Variants in GRIA2 observed in about 807,000 individuals in gnomAD.
GRIA2 encodes the protein glutamate receptor 2.
In GRIA2, 14 loss-of-function variants were observed where a neutral mutation model predicts 97.3. The ratio of observed to expected loss-of-function variants is 0.14; its 90% CI spans 0.10 to 0.23. GRIA2 has a LOEUF of 0.23. Among genes scored for constraint, GRIA2 ranks in the 10% least tolerant of loss-of-function variants. GRIA2 has a pLI of 1.00. For synonymous variants in GRIA2, 412 were observed against 387.8 expected, an observed-to-expected ratio of 1.06 and a Z score of -0.73; for missense variants, 558 against 1,069.8, an observed-to-expected ratio of 0.52 and a Z score of 6.67.
chr4:157,361,694 A>C lies in GRIA2; in HGVS notation c.2406+570A>C. 7.3e-7 allele frequency: 1 copy of C among 1,375,482 alleles called. No individual in the cohort carries two copies. The highest frequency in any genetic ancestry group is 1.0e-6 in the Non-Finnish European group (1 of 965,070). The allele number at this position is 1,375,482 out of a possible 1,614,324, so 85.2% of individuals were successfully genotyped here. ...TTTATGTGAAAAAACAAAATCAAAC[A>C]CAAACAGCAAAATCAAACCACAAGT... On this transcript the variant is annotated intron_variant, in intron 14 of 15. Coordinates refer to ENST00000264426, the MANE Select transcript of GRIA2 (RefSeq NM_001083619.3). The surrounding 1 kb of genome is among the most constrained non-coding windows in gnomAD (Gnocchi z 5.2).
At chr4:157,242,699 A>T (rs1490511280) in intron 2 of GRIA2, among the ~76,000 whole-genome samples, 1 of 152,128 alleles carries the variant, frequency 6.6e-6, no homozygotes, top group Non-Finnish European at 1.5e-5. Flanking sequence ...GGGGAAATTG[A>T]ATTAGGTTCC....
At chr4:157,268,222 T>G (rs1374541245) in intron 2 of GRIA2, among the ~76,000 whole-genome samples, 2 of 152,088 alleles carry the variant, frequency 1.3e-5, no homozygotes, top group African/African-American at 2.4e-5. Context: ...TTTCATAAAA[T>G]TGTCTTACAT....
intron 12 of GRIA2, among the ~76,000 whole-genome samples, chr4:157,350,240 T>A (rs770514812): frequency 3.3e-5 from 5 of 152,162 alleles, no homozygotes; most frequent in Non-Finnish European, 7.4e-5. Context: ...TCATAACTTT[T>A]CTCATCACTA....
At chr4:157,310,683 T>G (rs2126881954) in intron 3 of GRIA2, among the ~76,000 whole-genome samples, 1 of 152,202 alleles carries the variant, frequency 6.6e-6, no homozygotes, top group South Asian at 2.1e-4. Context: ...TCATAAATAT[T>G]ATTCTTTTTT....
At chr4:157,318,020 T>G (rs1405432451) in intron 5 of GRIA2, among the ~76,000 whole-genome samples, 1 of 152,110 alleles carries the variant, frequency 6.6e-6, no homozygotes, top group Non-Finnish European at 1.5e-5. Context: ...TTTGATATAT[T>G]AGATATATTG....
At position 157,364,735 on chromosome 4, in the gene GRIA2, C is replaced by T. The variant is rs958432560; in HGVS notation, c.*1304C>T. 4.6e-5 allele frequency: 7 copies of T among 152,002 alleles called. No individual in the cohort carries two copies. Among genetic ancestry groups the T allele is most frequent in the Non-Finnish European group, 7.4e-5 (5 of 67,768 alleles). The allele number at this position is 152,002 out of a possible 1,614,324, so 9.4% of individuals were successfully genotyped here. A position where few individuals can be genotyped will look rare whatever the true frequency, so the allele number is the denominator to read the frequency against. ...TTAAAATTATAAAAGCTGTCATAAA[C>T]TTTATATATTATGAATTTTAAAATA... On this transcript the variant is annotated 3_prime_UTR_variant, in exon 16 of 16. Transcript: ENST00000264426.
intron 12 of GRIA2, among the ~76,000 whole-genome samples, chr4:157,353,909 T>G (rs1736132360): frequency 6.6e-6 from 1 of 152,096 alleles, no homozygotes; most frequent in East Asian, 1.9e-4. Context: ...CTTTAAACTA[T>G]TTTATTAACT....
chr4:157,331,966 C>T (rs986710351), intron 6 of GRIA2, among the ~76,000 whole-genome samples: 2 of 152,030 alleles, frequency 1.3e-5, no homozygotes, highest in Admixed American at 1.3e-4. Flanking sequence ...CTTCGCCGTA[C>T]TCTTAGTACC....
chr4:157,282,326 C>G (rs1321906007), intron 2 of GRIA2, among the ~76,000 whole-genome samples: 2 of 152,102 alleles, frequency 1.3e-5, no homozygotes, highest in African/African-American at 4.8e-5. Context: ...GTGGAACAAT[C>G]TACCATATGA....
chr4:157,250,292 C>A lies in GRIA2; in HGVS notation c.229+28485C>A, dbSNP rs183023883. 3.9e-5 allele frequency among the ~76,000 whole-genome samples: 6 copies of A among 152,116 alleles called. No individual in the cohort carries two copies. The East Asian group carries it at 1.2e-3, about 29-fold the overall frequency. On this transcript the variant is annotated intron_variant, in intron 2 of 15. Coordinates refer to ENST00000264426, the MANE Select transcript of GRIA2 (RefSeq NM_001083619.3). Reference sequence around the variant, plus strand: ...ATGAAAAATCTTATTTAATTGATAGCCATCTAAATTTAAGCAAATTATTAT... The same window carrying A: ...ATGAAAAATCTTATTTAATTGATAGACATCTAAATTTAAGCAAATTATTAT...
Position 157,361,859 on chromosome 4 carries a change from T to C in GRIA2, c.2406+735T>C, listed in dbSNP as rs1560784448. ...TTTTATTTTAAATATAGTATATGCA[T>C]TTAATATATTTATTTCAGTCTGTGT... On this transcript the variant is annotated intron_variant, in intron 14 of 15. Transcript: ENST00000264426. The surrounding 1 kb of genome is among the most constrained non-coding windows in gnomAD (Gnocchi z 5.2). 6.6e-6 allele frequency among the ~76,000 whole-genome samples: 1 copy of C among 152,170 alleles called. No individual in the cohort carries two copies. The highest frequency in any genetic ancestry group is 1.5e-5 in the Non-Finnish European group (1 of 68,032).
chr4:157,269,239 G>C (rs948549456), intron 2 of GRIA2, among the ~76,000 whole-genome samples: 3 of 151,936 alleles, frequency 2.0e-5, no homozygotes. Flanking sequence ...ACCAAGAAAG[G>C]TCAAAATTAG....
chr4:157,335,352 A>G, intron 9 of GRIA2: 1 of 314,556 alleles, frequency 3.2e-6, no homozygotes, highest in Non-Finnish European at 6.1e-6. Context: ...ATAGGTTTTG[A>G]GCAGTAATAT....
chr4:157,304,683 T>C (rs1733761566), intron 3 of GRIA2, among the ~76,000 whole-genome samples: 1 of 152,164 alleles, frequency 6.6e-6, no homozygotes, highest in South Asian at 2.1e-4. Flanking sequence ...TACCATACTG[T>C]GCTTCCCTCA....
intron 2 of GRIA2, among the ~76,000 whole-genome samples, chr4:157,262,649 A>G (rs998064725): frequency 1.2e-4 from 18 of 151,962 alleles, no homozygotes; most frequent in African/African-American, 4.3e-4. Flanking sequence ...TCTGACCACT[A>G]TTTAATTGAT....
chr4:157,332,913 A>G lies in GRIA2; in HGVS notation c.977A>G (p.Asn326Ser), dbSNP rs1735120581. Residue 326 changes from asparagine to serine, a missense_variant, in exon 7 of 16, where the codon AAT becomes AGT. By Grantham distance (46) the Asn-to-Ser change is conservative. Coordinates refer to ENST00000264426, the MANE Select transcript of GRIA2 (RefSeq NM_001083619.3). ...KQRIEISRRG[N>S]AGDCLANPAV... ...AGAATTGAAATCTCCCGAAGGGGGA[A>G]TGCAGGAGACTGTCTGGCAAACCCA... 1 of 1,612,520 alleles carries G rather than the reference A, an allele frequency of 6.2e-7. No individual in the cohort carries two copies. Among genetic ancestry groups the G allele is most frequent in the Admixed American group, 1.7e-5 (1 of 59,848 alleles).
chr4:157,320,568 C>T (rs1734515557), intron 5 of GRIA2, among the ~76,000 whole-genome samples: 2 of 151,922 alleles, frequency 1.3e-5, no homozygotes, highest in Non-Finnish European at 2.9e-5. Context: ...AAGTAATTAC[C>T]TTCTCCTTCA....
At position 157,342,218 on chromosome 4, in the gene GRIA2, T is replaced by C. The variant is rs1460948998; in HGVS notation, c.2043+756T>C. On this transcript the variant is annotated intron_variant, in intron 12 of 15. Transcript: ENST00000264426. ...AATGGTCTCTGATAATCTACAAATATATTCGAATATATCTGAGTTTCAGTG... is the reference window on the plus strand; with the variant it reads ...AATGGTCTCTGATAATCTACAAATACATTCGAATATATCTGAGTTTCAGTG... 5 of 982,220 alleles carry C rather than the reference T, an allele frequency of 5.1e-6. No homozygotes were observed. In the Admixed American group the frequency reaches 3.1e-4, roughly 61 times the overall value. The allele number at this position is 982,220 out of a possible 1,614,324, so 60.8% of individuals were successfully genotyped here.
intron 9 of GRIA2, chr4:157,335,258 A>G (rs1219363085): frequency 9.8e-6 from 2 of 203,122 alleles, no homozygotes; most frequent in Non-Finnish European, 2.0e-5. Context: ...CAGCAGTGAC[A>G]CAGGGTTTTG....
Sources: gnomAD v4.1 joint callset for allele counts (sites outside exome capture counted in the v4.1 genomes callset) on GRCh38, gnomAD v4.1.1 for gene constraint, Gnocchi (gnomAD v3.1) non-coding constraint, MANE v1.5 for transcripts, NCBI Gene and HGNC (gene_info 2026-07-23, HGNC 2026-07-21) for gene names.